Variants in ASS1 observed in about 807,000 individuals in gnomAD.
ASS1 encodes argininosuccinate synthase 1.
ASS1 carries 58 observed loss-of-function variants against 60.5 expected under a neutral mutation model. That is an observed-to-expected ratio of 0.96 (90% CI 0.78 to 1.19). The LOEUF is 1.19. Among genes scored for constraint, ASS1 ranks in the 50% most tolerant of loss-of-function variants. ASS1 has a pLI of 0.00. For missense variants in ASS1, 454 were observed against 547.3 expected (o/e 0.83, Z 1.70); for synonymous variants, 200 against 206.9 (o/e 0.97, Z 0.29).
intron 1 of ASS1, among the ~76,000 whole-genome samples, chr9:130,449,236 A>C (rs1430157181): frequency 6.6e-6 from 1 of 151,306 alleles, no homozygotes; most frequent in Non-Finnish European, 1.5e-5. Context: ...GGGTGGTGGC[A>C]CTGAGCTGGG....
Position 130,489,534 on chromosome 9 carries a change from G to C in ASS1, c.970+70G>C, listed in dbSNP as rs770270036. The C allele has an allele frequency of 2.7e-5, 44 of 1,609,980 alleles. No individual in the cohort carries two copies. The highest frequency in any genetic ancestry group is 3.7e-5 in the Non-Finnish European group (44 of 1,178,014). On this transcript the variant is annotated intron_variant, in intron 12 of 14. Transcript: ENST00000352480. This position sits in a 1 kb window ranked among gnomAD's most constrained non-coding sequence, Gnocchi z 4.1. Reference sequence around the variant, plus strand: ...GATCCCAAAGTACTATCAGGCTCTCGGGCCTGGCCCTCCCCTCCGTATCAG... The same window carrying C: ...GATCCCAAAGTACTATCAGGCTCTCCGGCCTGGCCCTCCCCTCCGTATCAG...
chr9:130,459,643 C>A lies in ASS1; in HGVS notation c.363+1054C>A, dbSNP rs1047802003. 6.6e-6 allele frequency among the ~76,000 whole-genome samples: 1 copy of A among 152,204 alleles called. No homozygotes were observed. The highest frequency in any genetic ancestry group is 1.5e-5 in the Non-Finnish European group (1 of 68,046). On this transcript the variant is annotated intron_variant, in intron 4 of 14. Transcript: ENST00000352480. The surrounding 1 kb of genome is among the most constrained non-coding windows in gnomAD (Gnocchi z 4.6). Reference sequence around the variant, plus strand: ...AGAGACGGGGTTTCGCCATGTTGGGCAGGCTGGTCTTGAACTCCTGACCTC... The same window carrying A: ...AGAGACGGGGTTTCGCCATGTTGGGAAGGCTGGTCTTGAACTCCTGACCTC...
intron 3 of ASS1, among the ~76,000 whole-genome samples, chr9:130,455,056 C>G (rs1025973784): frequency 8.0e-6 from 1 of 124,456 alleles, no homozygotes; most frequent in Non-Finnish European, 1.9e-5. Flanking sequence ...ATCCATCATC[C>G]ATCCATCCAT....
Position 130,489,945 on chromosome 9 carries a change from C to T in ASS1, c.970+481C>T, listed in dbSNP as rs547600896. 6.6e-6 allele frequency among the ~76,000 whole-genome samples: 1 copy of T among 152,358 alleles called. No homozygotes were observed. Among genetic ancestry groups the T allele is most frequent in the South Asian group, 2.1e-4 (1 of 4,834 alleles). ...GGCTGTCTCCAGGAAGAACCTGGAC[C>T]TACTCCATGAACTTGAGGGAGAGGC... is the stretch of plus-strand genomic sequence containing the variant. On this transcript the variant is annotated intron_variant, in intron 12 of 14. Transcript: ENST00000352480. This position sits in a 1 kb window ranked among gnomAD's most constrained non-coding sequence, Gnocchi z 4.1.
At chr9:130,486,032 G>A (rs1588501004) in intron 11 of ASS1, among the ~76,000 whole-genome samples, 1 of 152,064 alleles carries the variant, frequency 6.6e-6, no homozygotes, top group Admixed American at 6.6e-5. Context: ...TGTCACCGAG[G>A]CTGTAGTGCA....
Position 130,499,508 on chromosome 9 carries a change from GAAC to G in ASS1, c.1132_1134del (p.Asn378del). On this transcript the variant is annotated inframe_deletion, in exon 14 of 15. Coordinates refer to ENST00000352480, the MANE Select transcript of ASS1 (RefSeq NM_054012.4). ...CAAGCTTCTACTCTCCTTGCAGCAT[GAAC>G]GTGCAGGGTGATTATGAGCCAACTG... The G allele has an allele frequency of 1.2e-6, 2 of 1,613,692 alleles. No individual in the cohort carries two copies. Among genetic ancestry groups the G allele is most frequent in the East Asian group, 4.5e-5 (2 of 44,884 alleles).
At chr9:130,468,898 C>T (rs550042585) in intron 6 of ASS1, among the ~76,000 whole-genome samples, 30 of 152,334 alleles carry the variant, frequency 2.0e-4, no homozygotes, top group African/African-American at 7.2e-4. Flanking sequence ...TCCTCAATTA[C>T]AATGAGAGTG....
At chr9:130,483,528 G>A (rs878951841) in intron 11 of ASS1, among the ~76,000 whole-genome samples, 124 of 149,516 alleles carry the variant, frequency 8.3e-4, no homozygotes, top group Middle Eastern at 3.5e-3. Context: ...CTGGAGGGGG[G>A]CTAATTAAGT....
At chr9:130,481,145 C>T (rs1049783719) in intron 11 of ASS1, among the ~76,000 whole-genome samples, 1 of 152,220 alleles carries the variant, frequency 6.6e-6, no homozygotes, top group African/African-American at 2.4e-5. Flanking sequence ...CCCATGATTC[C>T]CTTTGTCAGC....
At chr9:130,482,890 C>T (rs1273152709) in intron 11 of ASS1, among the ~76,000 whole-genome samples, 1 of 152,158 alleles carries the variant, frequency 6.6e-6, no homozygotes, top group Non-Finnish European at 1.5e-5. Context: ...TAGTCAGTGT[C>T]GTACAGGGAA....
rs1251662364 is a variant in ASS1 at position 130,466,749 on chromosome 9, G to A, written c.445G>A (p.Glu149Lys). 1 of 1,614,166 alleles carries A rather than the reference G, an allele frequency of 6.2e-7. No homozygotes were observed. Among genetic ancestry groups the A allele is most frequent in the African/African-American group, 1.3e-5 (1 of 75,064 alleles). Residue 149 changes from glutamate (E) to lysine (K), a missense_variant, in exon 6 of 15, where the codon GAA becomes AAA. Glu to Lys is a moderately conservative substitution (Grantham distance 56). Coordinates refer to ENST00000352480, the MANE Select transcript of ASS1 (RefSeq NM_054012.4). ...IKVIAPWRMP[E>K]FYNRFKGRND... ...GGTCATTGCTCCCTGGAGGATGCCT[G>A]AATTCTACAACCGGTTCAAGGGCCG...
At chr9:130,484,399 C>T (rs1846251557) in intron 11 of ASS1, among the ~76,000 whole-genome samples, 1 of 152,026 alleles carries the variant, frequency 6.6e-6, no homozygotes, top group Non-Finnish European at 1.5e-5. Context: ...GGTCCACTCT[C>T]CCCCCAGCCA....
chr9:130,476,571 T>G lies in ASS1; in HGVS notation c.598-300T>G. 1.9e-6 allele frequency: 1 copy of G among 521,088 alleles called. No individual in the cohort carries two copies. The highest frequency in any genetic ancestry group is 3.4e-5 in the East Asian group (1 of 29,416). 32.3% of individuals were successfully genotyped at this position (521,088 alleles called of 1,614,324 possible). On this transcript the variant is annotated intron_variant, in intron 8 of 14. Coordinates refer to ENST00000352480, the MANE Select transcript of ASS1 (RefSeq NM_054012.4). This position sits in a 1 kb window ranked among gnomAD's most constrained non-coding sequence, Gnocchi z 4.9. Reference sequence around the variant, plus strand: ...CGCCTTGCTCCTCCAAAGTCACACTTTTTCCTGCCTGACTTGTTCCTCTCC... The same window carrying G: ...CGCCTTGCTCCTCCAAAGTCACACTGTTTCCTGCCTGACTTGTTCCTCTCC...
Position 130,489,567 on chromosome 9 carries a change from C to T in ASS1, c.970+103C>T. 6.4e-7 allele frequency: 1 copy of T among 1,570,658 alleles called. No homozygotes were observed. The highest frequency in any genetic ancestry group is 8.7e-7 in the Non-Finnish European group (1 of 1,147,266). On this transcript the variant is annotated intron_variant, in intron 12 of 14. Transcript: ENST00000352480. This position sits in a 1 kb window ranked among gnomAD's most constrained non-coding sequence, Gnocchi z 4.1. The stretch of plus-strand genomic sequence containing the variant: ...CCCTCCCCTCCGTATCAGCACCTTC[C>T]TCCCCTGCCGCCCACTGCCATCCTC...
chr9:130,449,863 T>C (rs1402593358), intron 1 of ASS1, among the ~76,000 whole-genome samples: 1 of 152,240 alleles, frequency 6.6e-6, no homozygotes, highest in African/African-American at 2.4e-5. Flanking sequence ...ATTATTTTTG[T>C]AGTTGATGAA....
intron 3 of ASS1, among the ~76,000 whole-genome samples, chr9:130,455,578 TTGAGTCTGGTGCCTTGATTG>T (rs1396424687): frequency 1.3e-5 from 2 of 152,268 alleles, no homozygotes; most frequent in Non-Finnish European, 2.9e-5. Flanking sequence ...AGAACTCCAA[TTGAGTCTGGTGCCTTGATTG>T]TGAATCTAGG....
chr9:130,462,513 T>A (rs1208873848), intron 4 of ASS1, among the ~76,000 whole-genome samples: 1 of 152,068 alleles, frequency 6.6e-6, no homozygotes, highest in African/African-American at 2.4e-5. Context: ...TCTTCGAGGG[T>A]CTCTGGCTCC....
intron 12 of ASS1, among the ~76,000 whole-genome samples, chr9:130,492,774 C>G (rs927564873): frequency 6.6e-6 from 1 of 152,204 alleles, no homozygotes; most frequent in East Asian, 1.9e-4. Context: ...CCTAGCAGCA[C>G]GGGGGAGGGG....
At chr9:130,499,654 G>C (rs918506013) in intron 14 of ASS1, 84 bp downstream of exon 14, 17 of 1,399,874 alleles carry the variant, frequency 1.2e-5, no homozygotes, top group Admixed American at 3.9e-5. Flanking sequence ...GTAAAGGGTA[G>C]GCTTTGATGC....
Sources: allele counts gnomAD v4.1 joint callset (sites outside exome capture counted in the v4.1 genomes callset), GRCh38; gene constraint gnomAD v4.1.1; non-coding constraint Gnocchi (gnomAD v3.1); transcripts MANE v1.5; gene names NCBI Gene and HGNC (gene_info 2026-07-23, HGNC 2026-07-21).